FGD4: variants seen among roughly 807,000 people sequenced by gnomAD.
The protein encoded by FGD4 is FYVE, RhoGEF and PH domain containing 4.
A neutral mutation model predicts 102.0 loss-of-function variants in FGD4; 42 were observed. The observed-to-expected ratio is 0.41, with a 90% CI of 0.32 to 0.53. The LOEUF (loss-of-function observed/expected upper bound fraction) is 0.53, where lower values mean the gene tolerates loss of function less well. Ranked by LOEUF, FGD4 falls within the 20% of genes least tolerant of loss-of-function variation. The pLI, the probability that FGD4 is intolerant of heterozygous loss-of-function variation, is 0.21. For synonymous variants in FGD4, 380 were observed against 375.7 expected (o/e 1.01, Z -0.13); for missense variants, 902 against 1,078.2 (o/e 0.84, Z 2.29).
intron 1 of FGD4, among the ~76,000 whole-genome samples, chr12:32,507,888 C>T (rs1453319131): frequency 1.3e-5 from 2 of 152,094 alleles, no homozygotes; most frequent in Admixed American, 6.5e-5. Context: ...AGTAATAATC[C>T]CTGAATGTTG....
rs60933809 is a variant in FGD4, at chr12:32,432,051, A to ATTT, written c.166+32117_166+32119dup. Among the ~76,000 whole-genome samples, 16 of 107,722 alleles carry ATTT rather than the reference A, an allele frequency of 1.5e-4. 1 individual carries two copies. The highest frequency in any genetic ancestry group is 4.1e-4 in the Admixed American group (4 of 9,802). 70.7% of individuals were successfully genotyped at this position (107,722 alleles called of 152,430 possible). On this transcript the variant is annotated intron_variant, in intron 1 of 16. Coordinates refer to ENST00000534526, the MANE Select transcript of FGD4 (RefSeq NM_001370298.3). ...AGTGGCTCATGCCTGTAATCCTAGC[A>ATTT]TTTTTTTTTTTTTTTTTTTTTTTTT...
rs548833962 is a variant in FGD4, at chr12:32,471,144, C to A, written c.166+71185C>A. ...GGCCTGCCAACCTTCCCCCCAACCC[C>A]CACACCAAGCTCTCAGGTCTTTGGC... On this transcript the variant is annotated intron_variant, in intron 1 of 16. Coordinates refer to ENST00000534526, the MANE Select transcript of FGD4 (RefSeq NM_001370298.3). 7.2e-5 allele frequency among the ~76,000 whole-genome samples: 11 copies of A among 152,314 alleles called. No homozygotes were observed. In the South Asian group the frequency reaches 1.9e-3, roughly 26 times the overall value.
chr12:32,606,065 G>A (rs1264678819), intron 7 of FGD4, among the ~76,000 whole-genome samples: 1 of 152,126 alleles, frequency 6.6e-6, no homozygotes, highest in Non-Finnish European at 1.5e-5. Context: ...TTGACCTTAG[G>A]AAACGCTCCT....
At chr12:32,569,740 G>A (rs1276183614) in intron 2 of FGD4, among the ~76,000 whole-genome samples, 1 of 151,968 alleles carries the variant, frequency 6.6e-6, no homozygotes, top group African/African-American at 2.4e-5. Flanking sequence ...AGGCTCAAGT[G>A]GCTAGAACCT....
chr12:32,516,665 A>G (rs1432732911), intron 1 of FGD4, among the ~76,000 whole-genome samples: 1 of 152,212 alleles, frequency 6.6e-6, no homozygotes, highest in Non-Finnish European at 1.5e-5. Flanking sequence ...AAACTCTCAC[A>G]TTTAACATAG....
chr12:32,453,780 C>T (rs1360039173), intron 1 of FGD4, among the ~76,000 whole-genome samples: 6 of 152,126 alleles, frequency 3.9e-5, no homozygotes, highest in African/African-American at 1.2e-4. Context: ...AGGGAAGGCT[C>T]ACACCTGTTG....
intron 1 of FGD4, among the ~76,000 whole-genome samples, chr12:32,494,984 G>A (rs1311297166): frequency 6.6e-6 from 1 of 152,184 alleles, no homozygotes; most frequent in Admixed American, 6.5e-5. Context: ...TTTTTTGTAA[G>A]AGGCTTCTGT....
intron 1 of FGD4, among the ~76,000 whole-genome samples, chr12:32,423,555 G>A (rs1008619085): frequency 1.4e-5 from 2 of 143,884 alleles, no homozygotes; most frequent in Admixed American, 1.4e-4. Flanking sequence ...TCACGCCACT[G>A]CATTCCAGCC....
At chr12:32,601,553 A>G (rs189420888) in intron 6 of FGD4, 130 bp downstream of exon 6, 13 of 1,121,458 alleles carry the variant, frequency 1.2e-5, no homozygotes, top group Non-Finnish European at 1.6e-5. Flanking sequence ...ATTAAAGACT[A>G]CTGATAGAAG....
At chr12:32,569,976 C>T (rs938187163) in intron 2 of FGD4, among the ~76,000 whole-genome samples, 3 of 152,090 alleles carry the variant, frequency 2.0e-5, no homozygotes, top group Non-Finnish European at 4.4e-5. Context: ...GGCGTGGTGG[C>T]TCACGCCTGT....
intron 14 of FGD4, among the ~76,000 whole-genome samples, chr12:32,631,615 C>G (rs1222890085): frequency 6.7e-6 from 1 of 148,514 alleles, no homozygotes; most frequent in Non-Finnish European, 1.5e-5. Flanking sequence ...AGCAATTCTT[C>G]TGCCTCAGCC....
In FGD4 at chr12:32,625,701, AG is replaced by A. The variant is rs1565922516; in HGVS notation, c.2095del (p.Val699Ter). 6.2e-7 allele frequency: 1 copy of A among 1,613,972 alleles called. No homozygotes were observed. The highest frequency in any genetic ancestry group is 8.5e-7 in the Non-Finnish European group (1 of 1,180,010). On this transcript the variant is annotated frameshift_variant, in exon 14 of 17. Coordinates refer to ENST00000534526, the MANE Select transcript of FGD4 (RefSeq NM_001370298.3). LOFTEE classifies it high-confidence loss of function. ...CCCCAAGATGGATCCGAGATAATGA[AG>A]TGACAATGTGTATGAAATGTAAAGA... ...RAPRWIRDNE[V>X]TMCMKCKEPF...
chr12:32,484,974 A>C (rs994948489), intron 1 of FGD4, among the ~76,000 whole-genome samples: 12 of 152,196 alleles, frequency 7.9e-5, no homozygotes, highest in African/African-American at 2.9e-4. Context: ...ATAGTAGCTC[A>C]CTATGTAACG....
intron 1 of FGD4, among the ~76,000 whole-genome samples, chr12:32,411,334 G>T (rs572551314): frequency 2.0e-5 from 3 of 151,832 alleles, no homozygotes; most frequent in Non-Finnish European, 2.9e-5. Context: ...CAGGAGTTGA[G>T]ACCAGCCTGA....
intron 1 of FGD4, among the ~76,000 whole-genome samples, chr12:32,441,608 C>T (rs145773091): frequency 7.2e-5 from 11 of 151,980 alleles, no homozygotes; most frequent in Admixed American, 2.0e-4. Context: ...CTGCAAGCTG[C>T]GCAACCTGGA....
chr12:32,626,057 T>G (rs2136949787), intron 14 of FGD4, among the ~76,000 whole-genome samples: 1 of 152,262 alleles, frequency 6.6e-6, no homozygotes, highest in East Asian at 1.9e-4. Flanking sequence ...AAGTTAAAAA[T>G]GGACAGTATT....
At chr12:32,627,520 G>A (rs767634399) in intron 14 of FGD4, among the ~76,000 whole-genome samples, 13 of 152,144 alleles carry the variant, frequency 8.5e-5, no homozygotes, top group Admixed American at 2.6e-4. Context: ...AAAGTTAAGG[G>A]GAAGGAGGAG....
At chr12:32,607,842 A>C in intron 7 of FGD4, 115 bp from the exon 8 acceptor site, 1 of 1,090,178 alleles carries the variant, frequency 9.2e-7, no homozygotes, top group Non-Finnish European at 1.4e-6. Flanking sequence ...CAGGTGATGG[A>C]CAGTCACACT....
chr12:32,430,341 G>A (rs182839241), intron 1 of FGD4, among the ~76,000 whole-genome samples: 3 of 152,074 alleles, frequency 2.0e-5, no homozygotes, highest in Admixed American at 2.0e-4. Context: ...AAGAGATTCT[G>A]GAGGTAGAAA....
Sources: allele counts gnomAD v4.1 joint callset (sites outside exome capture counted in the v4.1 genomes callset), GRCh38; gene constraint gnomAD v4.1.1; transcripts MANE v1.5; gene names NCBI Gene and HGNC (gene_info 2026-07-23, HGNC 2026-07-21).